RALGAPA1: variants seen among roughly 807,000 people sequenced by gnomAD.
RALGAPA1 encodes ral GTPase-activating protein subunit alpha-1.
RALGAPA1 carries 52 observed loss-of-function variants against 269.6 expected under a neutral mutation model. The ratio of observed to expected loss-of-function variants is 0.19; its 90% CI spans 0.15 to 0.24. RALGAPA1 has a LOEUF of 0.24. Among genes scored for constraint, RALGAPA1 ranks in the 10% least tolerant of loss-of-function variants. The pLI, the probability that RALGAPA1 is intolerant of heterozygous loss-of-function variation, is 1.00. For synonymous variants in RALGAPA1, 817 were observed against 1,008.3 expected (o/e 0.81, Z 3.60); for missense variants, 1,917 against 3,013.9 (o/e 0.64, Z 8.52).
chr14:35,685,871 G>C (rs116501841), intron 19 of RALGAPA1, among the ~76,000 whole-genome samples: 1 of 152,052 alleles, frequency 6.6e-6, no homozygotes, highest in Non-Finnish European at 1.5e-5. Flanking sequence ...CACCCTGGGC[G>C]ACAAAGCGAC....
Position 35,672,310 on chromosome 14 carries a change from G to T in RALGAPA1, c.5073+557C>A, listed in dbSNP as rs143952851. Among the ~76,000 whole-genome samples, 500 of 152,068 alleles carry T rather than the reference G, an allele frequency of 3.3e-3. 1 individual carries two copies. The highest frequency in any genetic ancestry group is 0.014 in the South Asian group (69 of 4,810). On this transcript the variant is annotated intron_variant, in intron 25 of 41. Transcript: ENST00000680220. ...TTCTGACTTGCAACCTCCTACACTT[G>T]TTAGTTTATGGCCAATATCAAGACT... is the stretch of plus-strand genomic sequence containing the variant.
chr14:35,646,152 T>A (rs1250984757), intron 31 of RALGAPA1, among the ~76,000 whole-genome samples: 1 of 152,134 alleles, frequency 6.6e-6, no homozygotes, highest in Non-Finnish European at 1.5e-5. Context: ...AATTAGGAAA[T>A]CATCATTTGG....
intron 13 of RALGAPA1, 89 bp downstream of exon 13, chr14:35,728,273 C>T: frequency 8.3e-7 from 1 of 1,209,734 alleles, no homozygotes; most frequent in Non-Finnish European, 1.1e-6. Flanking sequence ...TGTAAACAAA[C>T]CCTCTTCACA....
At chr14:35,755,294 C>T (rs11845702) in intron 7 of RALGAPA1, among the ~76,000 whole-genome samples, 1 of 151,846 alleles carries the variant, frequency 6.6e-6, no homozygotes, top group Non-Finnish European at 1.5e-5. Context: ...TTGAGGCTGC[C>T]GTAAGCCATA....
chr14:35,763,752 C>T (rs983936410), intron 4 of RALGAPA1, among the ~76,000 whole-genome samples: 18 of 150,946 alleles, frequency 1.2e-4, no homozygotes, highest in African/African-American at 3.9e-4. Flanking sequence ...ATTCCCTGTA[C>T]ACACCTGAGT....
At chr14:35,657,080 A>AC (rs1159563743) in intron 28 of RALGAPA1, among the ~76,000 whole-genome samples, 4 of 151,448 alleles carry the variant, frequency 2.6e-5, no homozygotes, top group Non-Finnish European at 5.9e-5. Flanking sequence ...AGTTTCCTAC[A>AC]CCCCCCCTCC....
chr14:35,617,652 G>GGGGGGGA (rs1566834733), intron 35 of RALGAPA1, among the ~76,000 whole-genome samples: 1 of 24,430 alleles, frequency 4.1e-5, no homozygotes, highest in Non-Finnish European at 7.0e-5. Flanking sequence ...GGGGGGGGGG[G>GGGGGGGA]AAGGGGGTGA....
chr14:35,593,550 G>A (rs1439482148), intron 37 of RALGAPA1, among the ~76,000 whole-genome samples: 2 of 151,966 alleles, frequency 1.3e-5, no homozygotes, highest in East Asian at 3.9e-4. Flanking sequence ...ACACAAAGGG[G>A]CATCATATTC....
intron 8 of RALGAPA1, among the ~76,000 whole-genome samples, chr14:35,751,226 A>G (rs966734708): frequency 2.0e-5 from 3 of 152,238 alleles, no homozygotes; most frequent in Non-Finnish European, 4.4e-5. Context: ...ATAATTATTA[A>G]AAGTAATTGC....
At chr14:35,774,893 A>C in intron 3 of RALGAPA1, 113 bp downstream of exon 3, 1 of 692,120 alleles carries the variant, frequency 1.4e-6, no homozygotes, top group Non-Finnish European at 2.5e-6. Flanking sequence ...GTTCTTAGAA[A>C]GGCTGGCAAA....
At chr14:35,545,183 A>G (rs2054342480) in intron 41 of RALGAPA1, among the ~76,000 whole-genome samples, 1 of 152,172 alleles carries the variant, frequency 6.6e-6, no homozygotes, top group Admixed American at 6.5e-5. Context: ...TTTATTTCAG[A>G]TCATTTCAAA....
intron 35 of RALGAPA1, among the ~76,000 whole-genome samples, chr14:35,611,504 A>AT (rs1211609513): frequency 1.4e-5 from 2 of 142,980 alleles, no homozygotes; most frequent in Non-Finnish European, 3.0e-5. Context: ...ATCTCAAAAA[A>AT]GAAAAAAAAA....
rs2074121246 is a variant in RALGAPA1 at position 35,766,134 on chromosome 14, G to T, written c.326-3381C>A. On this transcript the variant is annotated intron_variant, in intron 4 of 41. Coordinates refer to ENST00000680220, the MANE Select transcript of RALGAPA1 (RefSeq NM_001346249.2). ...TACTGGAGGGCTGACCAGAAATCCT[G>T]CTGCCTACTGTGGGCTTGTTGGTTT... The T allele has an allele frequency of 6.3e-6, 6 of 949,270 alleles. 1 individual carries two copies. Among genetic ancestry groups the T allele is most frequent in the Middle Eastern group, 2.5e-4 (1 of 3,930 alleles). The allele number at this position is 949,270 out of a possible 1,614,324, so 58.8% of individuals were successfully genotyped here. A position where few individuals can be genotyped will look rare whatever the true frequency, so the allele number is the denominator to read the frequency against.
chr14:35,791,191 C>CAATA (rs1406648648), intron 1 of RALGAPA1, among the ~76,000 whole-genome samples: 1 of 152,148 alleles, frequency 6.6e-6, no homozygotes, highest in African/African-American at 2.4e-5. Flanking sequence ...AGTAGGAAGG[C>CAATA]TGACTTCTTC....
At chr14:35,778,475 A>T (rs757345614) in intron 1 of RALGAPA1, among the ~76,000 whole-genome samples, 2 of 152,116 alleles carry the variant, frequency 1.3e-5, no homozygotes, top group Non-Finnish European at 2.9e-5. Context: ...TTTCTCTTTT[A>T]TGGAAAGAAC....
chr14:35,748,672 T>C lies in RALGAPA1; in HGVS notation c.1164A>G (p.Glu388=). 6.2e-7 allele frequency: 1 copy of C among 1,613,306 alleles called. No homozygotes were observed. Among genetic ancestry groups the C allele is most frequent in the Non-Finnish European group, 8.5e-7 (1 of 1,179,712 alleles). The change falls in exon 10 of 42, where the codon GAA becomes GAG. Residue 388 remains glutamate (E), a synonymous_variant. Transcript: ENST00000680220. ...CTATTTCAATGTCTGTGAGATGTTC[T>C]TCATCAATACTACAGAGACTAGATG... ...PSSSSLCSID[E]EHLTDIEIVR...
chr14:35,629,282 GGT>G (rs33989714), intron 33 of RALGAPA1, among the ~76,000 whole-genome samples: 71,051 of 145,166 alleles, frequency 0.49, 17,790 homozygotes, highest in Non-Finnish European at 0.57. Flanking sequence ...ATGTTTAGGG[GGT>G]GTGTGTGTGT....
chr14:35,539,610 G>A lies in RALGAPA1; in HGVS notation c.*104C>T. On this transcript the variant is annotated 3_prime_UTR_variant, in exon 42 of 42. Transcript: ENST00000680220. ...GACATGCGGCTTTTGCTAGTTCGAG[G>A]AGACATTGGAGAGGCCAGGTCAGCC... is the stretch of plus-strand genomic sequence containing the variant. The A allele has an allele frequency of 6.2e-7, 1 of 1,614,070 alleles. No individual in the cohort carries two copies. The highest frequency in any genetic ancestry group is 8.5e-7 in the Non-Finnish European group (1 of 1,180,034).
intron 16 of RALGAPA1, among the ~76,000 whole-genome samples, chr14:35,709,067 T>C (rs939829667): frequency 3.3e-5 from 5 of 152,004 alleles, no homozygotes; most frequent in Non-Finnish European, 7.4e-5. Context: ...GGATAGTTAC[T>C]AGAGGCTCAG....
Sources: gnomAD v4.1 joint callset for allele counts (sites outside exome capture counted in the v4.1 genomes callset) on GRCh38, gnomAD v4.1.1 for gene constraint, MANE v1.5 for transcripts, NCBI Gene and HGNC (gene_info 2026-07-23, HGNC 2026-07-21) for gene names.